The following ROBO2 variants were observed in gnomAD, a reference collection of about 807,000 sequenced individuals.
ROBO2 encodes roundabout homolog 2.
A neutral mutation model predicts 160.8 loss-of-function variants in ROBO2; 53 were observed. The observed-to-expected ratio is 0.33, with a 90% CI of 0.26 to 0.41. The LOEUF is 0.41. Ranked by LOEUF, ROBO2 falls within the 10% of genes least tolerant of loss-of-function variation. The pLI, the probability that ROBO2 is intolerant of heterozygous loss-of-function variation, is 1.00. For missense variants in ROBO2, 1,577 were observed against 1,722.4 expected, an observed-to-expected ratio of 0.92 and a Z score of 1.49; for synonymous variants, 664 against 611.7, an observed-to-expected ratio of 1.09 and a Z score of -1.26.
chr3:77,475,982 G>A (rs1345179), intron 2 of ROBO2, among the ~76,000 whole-genome samples: 57,184 of 151,946 alleles, frequency 0.38, 10,725 homozygotes, highest in Admixed American at 0.45. Flanking sequence ...CTGAGAGTGA[G>A]CAATTTGTGC....
chr3:77,475,158 GTAC>G (rs1248495571), intron 2 of ROBO2, among the ~76,000 whole-genome samples: 1 of 152,074 alleles, frequency 6.6e-6, no homozygotes, highest in African/African-American at 2.4e-5. Flanking sequence ...GATTTACTGA[GTAC>G]TATACAAACC....
At position 77,055,657 on chromosome 3, in the gene ROBO2, T is replaced by C. The variant is rs962994941; in HGVS notation, c.61+14811T>C. Among the ~76,000 whole-genome samples the C allele has an allele frequency of 3.9e-5, 6 of 152,318 alleles. No individual in the cohort carries two copies. The East Asian group carries it at 1.2e-3, about 29-fold the overall frequency. On this transcript the variant is annotated intron_variant, in intron 1 of 25. Coordinates refer to ENST00000461745, the Ensembl canonical transcript of ROBO2. Reference sequence around the variant, plus strand: ...CACATATAAACTTCCATGAATTGGATTGGATTATAACTTGTGTGAAATAAA... The same window carrying C: ...CACATATAAACTTCCATGAATTGGACTGGATTATAACTTGTGTGAAATAAA...
intron 2 of ROBO2, among the ~76,000 whole-genome samples, chr3:77,135,408 A>AT (rs925888147): frequency 1.1e-4 from 16 of 151,198 alleles, no homozygotes; most frequent in East Asian, 1.9e-4. Flanking sequence ...AATTTAATTA[A>AT]TTTTTTTTTA....
At chr3:76,433,982 G>C in intron 2 of ROBO2, 1 of 828,510 alleles carries the variant, frequency 1.2e-6, no homozygotes, top group African/African-American at 1.7e-5. Context: ...ATTAAGGGCA[G>C]TCCAGAGGTG....
rs1170041787 is a variant in ROBO2, at chr3:77,644,818, G to A, written c.4049G>A (p.Arg1350Lys). 4.3e-6 allele frequency: 7 copies of A among 1,614,126 alleles called. No individual in the cohort carries two copies. Among genetic ancestry groups the A allele is most frequent in the Non-Finnish European group, 5.9e-6 (7 of 1,180,022 alleles). The change falls in exon 25 of 26, where the codon AGA becomes AAA. Residue 1350 changes from arginine to lysine, a missense_variant. Coordinates refer to ENST00000461745, the Ensembl canonical transcript of ROBO2. ...GGACCTAGGAAAACCGAGGTGTTGA[G>A]AGCAGGCCACCAGCGCAATGCCAGC...
At chr3:77,636,969 A>G (rs970320449) in intron 24 of ROBO2, among the ~76,000 whole-genome samples, 5 of 152,226 alleles carry the variant, frequency 3.3e-5, no homozygotes, top group African/African-American at 7.2e-5. Flanking sequence ...GTGTAGTACA[A>G]TGTCAGATTG....
intron 2 of ROBO2, among the ~76,000 whole-genome samples, chr3:76,511,024 A>G (rs2081059241): frequency 6.6e-6 from 1 of 152,222 alleles, no homozygotes; most frequent in African/African-American, 2.4e-5. Context: ...TCGGCAAAGT[A>G]TTGACAAGTT....
At chr3:76,809,693 T>A (rs913343043) in intron 2 of ROBO2, among the ~76,000 whole-genome samples, 52 of 152,278 alleles carry the variant, frequency 3.4e-4, no homozygotes, top group African/African-American at 1.2e-3. Flanking sequence ...TATTTGTGGC[T>A]CCTTTTAATG....
intron 2 of ROBO2, among the ~76,000 whole-genome samples, chr3:76,925,682 G>A (rs1055101319): frequency 2.6e-5 from 4 of 152,144 alleles, no homozygotes; most frequent in African/African-American, 9.7e-5. Flanking sequence ...GATGGGGTCA[G>A]GGGAGCTGAG....
At chr3:76,144,432 CA>C (rs1311388831) in intron 2 of ROBO2, among the ~76,000 whole-genome samples, 3 of 151,882 alleles carry the variant, frequency 2.0e-5, no homozygotes, top group African/African-American at 7.2e-5. Context: ...CTGAAAAGTA[CA>C]AAAAAGTAGA....
At chr3:76,024,035 C>A (rs1030086499) in intron 2 of ROBO2, among the ~76,000 whole-genome samples, 1 of 151,274 alleles carries the variant, frequency 6.6e-6, no homozygotes, top group Non-Finnish European at 1.5e-5. Context: ...ATATAAAAAT[C>A]TATTGTTTAA....
intron 2 of ROBO2, among the ~76,000 whole-genome samples, chr3:77,341,560 G>C (rs2067063958): frequency 6.6e-6 from 1 of 152,130 alleles, no homozygotes; most frequent in Non-Finnish European, 1.5e-5. Flanking sequence ...TTTGTGGCTA[G>C]TGAAGCAGCA....
intron 2 of ROBO2, among the ~76,000 whole-genome samples, chr3:76,017,475 A>G (rs994547834): frequency 2.0e-5 from 3 of 152,160 alleles, no homozygotes; most frequent in African/African-American, 7.2e-5. Flanking sequence ...TCTGTCTCCT[A>G]TGCAAGAAAT....
intron 2 of ROBO2, among the ~76,000 whole-genome samples, chr3:76,585,520 G>A (rs1016816941): frequency 2.0e-5 from 3 of 152,124 alleles, no homozygotes; most frequent in Non-Finnish European, 4.4e-5. Flanking sequence ...CTAGGATGGG[G>A]TTGAATTTGT....
chr3:76,407,074 T>G (rs2075237588), intron 2 of ROBO2, among the ~76,000 whole-genome samples: 1 of 151,724 alleles, frequency 6.6e-6, no homozygotes, highest in African/African-American at 2.4e-5. Flanking sequence ...ATGTTTCTTT[T>G]TTTAGACACA....
intron 2 of ROBO2, among the ~76,000 whole-genome samples, chr3:76,047,343 A>G (rs1054977732): frequency 6.6e-6 from 1 of 152,314 alleles, no homozygotes. Context: ...TTTAAGGATA[A>G]TATTTGATCC....
At chr3:76,885,160 C>T (rs1577248647) in intron 2 of ROBO2, among the ~76,000 whole-genome samples, 1 of 152,144 alleles carries the variant, frequency 6.6e-6, no homozygotes, top group Admixed American at 6.5e-5. Context: ...TTTATATAAG[C>T]AAGCCATAGA....
intron 2 of ROBO2, among the ~76,000 whole-genome samples, chr3:77,302,910 G>T (rs1010982135): frequency 1.3e-5 from 2 of 152,046 alleles, no homozygotes; most frequent in African/African-American, 4.8e-5. Context: ...GATAAAGTTG[G>T]CTTTAGGTTG....
chr3:75,924,723 C>T (rs1280040398), intron 1 of ROBO2, among the ~76,000 whole-genome samples: 1 of 116,910 alleles, frequency 8.6e-6, no homozygotes, highest in African/African-American at 3.5e-5. Flanking sequence ...TAGTCTTGCT[C>T]TGTGGCTCAG....
Sources: allele counts gnomAD v4.1 joint callset (sites outside exome capture counted in the v4.1 genomes callset), GRCh38; gene constraint gnomAD v4.1.1; transcripts MANE v1.5; gene names NCBI Gene and HGNC (gene_info 2026-07-23, HGNC 2026-07-21).